OSBPL9: variants seen among roughly 807,000 people sequenced by gnomAD.
The protein encoded by OSBPL9 is oxysterol binding protein like 9, also known as oxysterol-binding protein-related protein 9.
A neutral mutation model predicts 106.6 loss-of-function variants in OSBPL9; 40 were observed. That is an observed-to-expected ratio of 0.38 (90% CI 0.29 to 0.49). OSBPL9 has a LOEUF of 0.49. Ranked by LOEUF, OSBPL9 falls within the 20% of genes least tolerant of loss-of-function variation. OSBPL9 has a pLI of 0.97. For missense variants in OSBPL9, 609 were observed against 887.2 expected (o/e 0.69, Z 3.98); for synonymous variants, 269 against 295.4 (o/e 0.91, Z 0.92).
the OSBPL9 span, among the ~76,000 whole-genome samples, chr1:51,534,527 G>A: frequency 6.6e-6 from 1 of 152,178 alleles, no homozygotes; most frequent in African/African-American, 2.4e-5. Context: ...TGAGGAGTGG[G>A]TTGGATAGGA....
At chr1:51,622,296 C>T (rs935130698) in intron 1 of OSBPL9, among the ~76,000 whole-genome samples, 3 of 152,038 alleles carry the variant, frequency 2.0e-5, no homozygotes, top group Non-Finnish European at 2.9e-5. Context: ...GTCAGTAAAA[C>T]ATAAAATAAA....
chr1:51,714,409 C>G (rs1007419453), intron 4 of OSBPL9, among the ~76,000 whole-genome samples: 1 of 152,124 alleles, frequency 6.6e-6, no homozygotes, highest in Non-Finnish European at 1.5e-5. Flanking sequence ...CATAATTATG[C>G]ATGATAATAG....
chr1:51,693,628 A>C (rs1330700091), intron 3 of OSBPL9, among the ~76,000 whole-genome samples: 1 of 152,222 alleles, frequency 6.6e-6, no homozygotes, highest in Non-Finnish European at 1.5e-5. Context: ...GACTTCGTGG[A>C]TATCAAAGCA....
chr1:51,785,993 C>T, intron 21 of OSBPL9, 107 bp downstream of exon 21: 1 of 976,092 alleles, frequency 1.0e-6, no homozygotes, highest in South Asian at 1.4e-5. Context: ...TTTCCTTCTA[C>T]AGTATATTAG....
the OSBPL9 span, among the ~76,000 whole-genome samples, chr1:51,560,400 G>A: frequency 6.6e-6 from 1 of 152,232 alleles, no homozygotes; most frequent in South Asian, 2.1e-4. Flanking sequence ...ATAAAATGAG[G>A]AAATAATAAG....
At chr1:51,571,471 G>A in the OSBPL9 span, among the ~76,000 whole-genome samples, 6 of 152,234 alleles carry the variant, frequency 3.9e-5, no homozygotes, top group South Asian at 8.3e-4. Context: ...TTTAAGACCA[G>A]CATGGGCAAC....
chr1:51,527,644 T>C, the OSBPL9 span, among the ~76,000 whole-genome samples: 2 of 152,058 alleles, frequency 1.3e-5, no homozygotes, highest in East Asian at 3.9e-4. Context: ...TCCTCCTGTC[T>C]CAGCCTCCCA....
intron 1 of OSBPL9, among the ~76,000 whole-genome samples, chr1:51,644,133 T>C (rs1297637042): frequency 6.7e-6 from 1 of 149,608 alleles, no homozygotes; most frequent in Non-Finnish European, 1.5e-5. Flanking sequence ...TGGGATGTAT[T>C]GTAGAGGGCT....
intron 3 of OSBPL9, among the ~76,000 whole-genome samples, chr1:51,686,766 A>G (rs1254286689): frequency 2.0e-5 from 3 of 152,254 alleles, no homozygotes; most frequent in Non-Finnish European, 4.4e-5. Flanking sequence ...TTTAAGGGTC[A>G]GGGAGTCAAA....
intron 3 of OSBPL9, among the ~76,000 whole-genome samples, chr1:51,697,453 C>CTTTT (rs759965779): frequency 9.7e-4 from 100 of 102,912 alleles, no homozygotes; most frequent in Non-Finnish European, 1.3e-3. Flanking sequence ...ATAGGGGTTA[C>CTTTT]TTTTTTTTTT....
chr1:51,534,218 G>A, the OSBPL9 span, among the ~76,000 whole-genome samples: 140 of 151,094 alleles, frequency 9.3e-4, 1 homozygote, highest in African/African-American at 3.3e-3. Context: ...AAAAAAAAAT[G>A]CTCCCAGCTG....
chr1:51,519,248 A>G, the OSBPL9 span: 1 of 1,215,008 alleles, frequency 8.2e-7, no homozygotes, highest in East Asian at 4.5e-5. Flanking sequence ...TCCATCATGC[A>G]AGGGAGGGGA....
intron 1 of OSBPL9, among the ~76,000 whole-genome samples, chr1:51,634,410 G>A (rs1025409317): frequency 3.9e-5 from 6 of 152,194 alleles, no homozygotes; most frequent in African/African-American, 1.2e-4. Context: ...TGGGTGGTAT[G>A]TGAAAAACAA....
intron 2 of OSBPL9, among the ~76,000 whole-genome samples, chr1:51,664,937 A>G (rs1351506844): frequency 6.6e-6 from 1 of 152,206 alleles, no homozygotes; most frequent in African/African-American, 2.4e-5. Flanking sequence ...ACTCATGAAA[A>G]TGAGTTCAGT....
At chr1:51,593,490 C>A (rs2148601990) in intron 1 of OSBPL9, among the ~76,000 whole-genome samples, 1 of 152,306 alleles carries the variant, frequency 6.6e-6, no homozygotes, top group East Asian at 1.9e-4. Context: ...TTCACACTTT[C>A]CTGTTCCCTG....
intron 3 of OSBPL9, among the ~76,000 whole-genome samples, chr1:51,711,932 G>A (rs1339279710): frequency 6.6e-6 from 1 of 151,864 alleles, no homozygotes; most frequent in Non-Finnish European, 1.5e-5. Flanking sequence ...TTCCAGACTA[G>A]GCAGCCAGGC....
In OSBPL9 at chr1:51,579,644, C is replaced by T. The variant is rs546952455; in HGVS notation, c.-423+2388C>T. ...TATAGAATCCTAAACAAAATTTGTA[C>T]TTTCCCAGAAGTTTGAGACCAGCCT... is the stretch of plus-strand genomic sequence containing the variant. On this transcript the variant is annotated intron_variant, in intron 1 of 25. Coordinates refer to the OSBPL9 transcript ENST00000371714. Among the ~76,000 whole-genome samples the T allele has an allele frequency of 9.9e-4, 151 of 152,044 alleles. 1 individual carries two copies. Among genetic ancestry groups the T allele is most frequent in the East Asian group, 3.7e-3 (19 of 5,180 alleles).
At chr1:51,633,292 C>T (rs541651942) in intron 1 of OSBPL9, among the ~76,000 whole-genome samples, 1 of 151,448 alleles carries the variant, frequency 6.6e-6, no homozygotes, top group South Asian at 2.1e-4. Flanking sequence ...AAAATAAGGC[C>T]AGGTGAGGTA....
intron 1 of OSBPL9, among the ~76,000 whole-genome samples, chr1:51,643,273 T>A (rs1028477892): frequency 6.6e-6 from 1 of 152,174 alleles, no homozygotes; most frequent in African/African-American, 2.4e-5. Flanking sequence ...CTCAAGCCCA[T>A]AGGATTTTAT....
Sources: allele counts gnomAD v4.1 joint callset (sites outside exome capture counted in the v4.1 genomes callset), GRCh38; gene constraint gnomAD v4.1.1; transcripts MANE v1.5; gene names NCBI Gene and HGNC (gene_info 2026-07-23, HGNC 2026-07-21).